Variants in CCDC9 observed in about 807,000 individuals in gnomAD.
The protein encoded by CCDC9 is coiled-coil domain containing 9.
CCDC9 carries 52 observed loss-of-function variants against 65.6 expected under a neutral mutation model. That is an observed-to-expected ratio of 0.79 (90% CI 0.63 to 1.00). The LOEUF is 1.00. Ranked by LOEUF, CCDC9 falls within the 50% of genes least tolerant of loss-of-function variation. The pLI is 0.00. For synonymous variants in CCDC9, 332 were observed against 280.3 expected, an observed-to-expected ratio of 1.18 and a Z score of -1.84; for missense variants, 834 against 757.2, an observed-to-expected ratio of 1.10 and a Z score of -1.19.
In CCDC9 at chr19:47,264,955, T is replaced by A; in HGVS notation, c.720+9T>A. 6.9e-7 allele frequency: 1 copy of A among 1,439,402 alleles called. No individual in the cohort carries two copies. The highest frequency in any genetic ancestry group is 9.1e-7 in the Non-Finnish European group (1 of 1,100,068). The allele number at this position is 1,439,402 out of a possible 1,614,324, so 89.2% of individuals were successfully genotyped here. On this transcript the variant is annotated intron_variant, in intron 7 of 11. Coordinates refer to ENST00000221922, the MANE Select transcript of CCDC9 (RefSeq NM_015603.3). ...TTGAGCACGAGCGGCAGGTGGGTGT[T>A]GGCAGTGAGGACACCTCGGGGCTCT...
chr19:47,275,518 T>C, downstream of CCDC9: 1 of 923,628 alleles, frequency 1.1e-6, no homozygotes, highest in Non-Finnish European at 1.6e-6. Context: ...CTCGGGGCCT[T>C]GCCTCTTGCA....
downstream of CCDC9, chr19:47,274,042 G>C: frequency 2.2e-6 from 2 of 920,174 alleles, no homozygotes; most frequent in Non-Finnish European, 2.6e-6. Flanking sequence ...GGCGTGAGGA[G>C]GGGTTTATCT....
rs73061366 is a variant in CCDC9 at position 47,270,390 on chromosome 19, C to G, written c.903-17C>G. ...CTGTTCCCCCAGCTGCCCGCTCACC[C>G]GTTATCTTTCCCCCAGGTTCAAGGA... On this transcript the variant is annotated splice_polypyrimidine_tract_variant and intron_variant, in intron 8 of 11. Transcript: ENST00000221922. The G allele has an allele frequency of 1.9e-6, 3 of 1,613,558 alleles. No individual in the cohort carries two copies. The highest frequency in any genetic ancestry group is 2.5e-6 in the Non-Finnish European group (3 of 1,179,778).
intron 5 of CCDC9, among the ~76,000 whole-genome samples, chr19:47,262,382 A>C (rs2059051933): frequency 6.6e-6 from 1 of 151,874 alleles, no homozygotes; most frequent in Non-Finnish European, 1.5e-5. Context: ...ACACCCGGCT[A>C]GTTTTTGTGT....
chr19:47,264,275 C>T (rs1256422447), intron 5 of CCDC9, among the ~76,000 whole-genome samples: 1 of 152,238 alleles, frequency 6.6e-6, no homozygotes, highest in African/African-American at 2.4e-5. Context: ...CTTGGCCTCC[C>T]AAAGTGCTTG....
intron 8 of CCDC9, among the ~76,000 whole-genome samples, 162 bp downstream of exon 8, chr19:47,266,954 G>C (rs887059615): frequency 2.6e-5 from 4 of 152,148 alleles, no homozygotes; most frequent in African/African-American, 9.7e-5. Flanking sequence ...CGGCACGTGA[G>C]AGCATTTCTG....
At position 47,271,117 on chromosome 19, in the gene CCDC9, C is replaced by T; in HGVS notation, c.1121C>T (p.Ala374Val). The change falls in exon 11 of 12, where the codon GCA becomes GTA. Residue 374 changes from alanine to valine, a missense_variant. Transcript: ENST00000221922. The part of the protein sequence containing the change: ...HDDRWETKEG[A>V]ASPAPETPQP... ...GACCGCTGGGAGACAAAAGAAGGGG[C>T]AGCATCCCCAGCCCCTGAGACTCCA... The T allele has an allele frequency of 6.4e-7, 1 of 1,569,518 alleles. No individual in the cohort carries two copies. The highest frequency in any genetic ancestry group is 8.6e-7 in the Non-Finnish European group (1 of 1,159,332).
chr19:47,275,406 G>C, downstream of CCDC9: 1 of 1,507,054 alleles, frequency 6.6e-7, no homozygotes, highest in African/African-American at 1.4e-5. Flanking sequence ...GCTCCACGCC[G>C]AGGATGCACC....
At chr19:47,268,689 A>G (rs931573217) in intron 8 of CCDC9, among the ~76,000 whole-genome samples, 1 of 151,898 alleles carries the variant, frequency 6.6e-6, no homozygotes, top group Non-Finnish European at 1.5e-5. Flanking sequence ...AGGCTGAGGC[A>G]GGTGGATCAC....
chr19:47,264,962 G>A lies in CCDC9; in HGVS notation c.720+16G>A, dbSNP rs778934146. 2.8e-6 allele frequency: 4 copies of A among 1,436,756 alleles called. No individual in the cohort carries two copies. In the Admixed American group the frequency reaches 8.6e-5, roughly 31 times the overall value. The allele number at this position is 1,436,756 out of a possible 1,614,324, so 89.0% of individuals were successfully genotyped here. A position where few individuals can be genotyped will look rare whatever the true frequency, so the allele number is the denominator to read the frequency against. On this transcript the variant is annotated intron_variant, in intron 7 of 11. Coordinates refer to ENST00000221922, the MANE Select transcript of CCDC9 (RefSeq NM_015603.3). ...CGAGCGGCAGGTGGGTGTTGGCAGT[G>A]AGGACACCTCGGGGCTCTCAGGGCT... is the stretch of plus-strand genomic sequence containing the variant.
chr19:47,267,554 A>C (rs2123470873), intron 8 of CCDC9, among the ~76,000 whole-genome samples: 1 of 152,268 alleles, frequency 6.6e-6, no homozygotes, highest in South Asian at 2.1e-4. Context: ...TCTGCTGTCC[A>C]GGCTGAGGGC....
intron 5 of CCDC9, among the ~76,000 whole-genome samples, chr19:47,263,716 C>T (rs186421389): frequency 3.9e-5 from 6 of 152,136 alleles, no homozygotes; most frequent in Admixed American, 6.6e-5. Context: ...CAGGTGCCCA[C>T]CACCATGCCC....
At chr19:47,269,974 GT>G (rs960778711) in intron 8 of CCDC9, among the ~76,000 whole-genome samples, 54 of 143,348 alleles carry the variant, frequency 3.8e-4, no homozygotes, top group South Asian at 6.6e-4. Context: ...CCTATCCTTT[GT>G]TTTTTTTTTT....
intron 1 of CCDC9, among the ~76,000 whole-genome samples, chr19:47,257,365 G>A (rs570339676): frequency 6.6e-6 from 1 of 151,678 alleles, no homozygotes; most frequent in East Asian, 1.9e-4. Flanking sequence ...GCCAGGAGGC[G>A]GGGAAAGAGC....
chr19:47,258,072 GC>G (rs1335616499), intron 1 of CCDC9: 1 of 434,162 alleles, frequency 2.3e-6, no homozygotes, highest in Non-Finnish European at 4.2e-6. Context: ...GTGGGTGGGG[GC>G]CAGAACATCC....
intron 8 of CCDC9, 84 bp from the exon 9 acceptor site, chr19:47,270,323 C>T (rs2059107432): frequency 2.2e-6 from 3 of 1,351,404 alleles, no homozygotes; most frequent in Non-Finnish European, 2.1e-6. Context: ...TGATCCGATT[C>T]CTGACCCTGA....
intron 3 of CCDC9, 69 bp downstream of exon 3, chr19:47,258,732 C>T: frequency 1.7e-6 from 2 of 1,203,904 alleles, no homozygotes; most frequent in Admixed American, 1.7e-5. Flanking sequence ...TCACCTCTCC[C>T]TTCCTTAAAA....
downstream of CCDC9, chr19:47,275,061 G>A: frequency 1.3e-6 from 2 of 1,494,450 alleles, no homozygotes; most frequent in Non-Finnish European, 8.9e-7. Context: ...CGTGCTGCTC[G>A]CCGTGTACTA....
intron 8 of CCDC9, among the ~76,000 whole-genome samples, chr19:47,267,988 C>T (rs1211436480): frequency 6.6e-6 from 1 of 152,114 alleles, no homozygotes; most frequent in African/African-American, 2.4e-5. Flanking sequence ...GCTGGGATTA[C>T]AGGCACGTGC....
Sources: gnomAD v4.1 joint callset for allele counts (sites outside exome capture counted in the v4.1 genomes callset) on GRCh38, gnomAD v4.1.1 for gene constraint, MANE v1.5 for transcripts, NCBI Gene and HGNC (gene_info 2026-07-23, HGNC 2026-07-21) for gene names.